The following DNAH2 variants were observed in gnomAD, a reference collection of about 807,000 sequenced individuals.
The protein encoded by DNAH2 is axonemal beta dynein heavy chain 2.
In DNAH2, 323 loss-of-function variants were observed where a neutral mutation model predicts 523.5. The observed-to-expected ratio is 0.62, with a 90% CI of 0.56 to 0.68. DNAH2 has a LOEUF of 0.68. Ranked by LOEUF, DNAH2 falls within the 30% of genes least tolerant of loss-of-function variation. The probability of loss-of-function intolerance (pLI) is 0.00; values close to 1 mark genes in which losing one functional copy is unlikely to be tolerated. For synonymous variants in DNAH2, 2,093 were observed against 2,177.4 expected, an observed-to-expected ratio of 0.96 and a Z score of 1.08; for missense variants, 4,907 against 5,701.5, an observed-to-expected ratio of 0.86 and a Z score of 4.49.
In DNAH2 at chr17:7,780,330, T is replaced by C. The variant is rs749421767; in HGVS notation, c.5850+46T>C. ...CTCCAGTGATTTTAATTTCCTTTCA[T>C]AATTATTCCCTGGACAGAGGAGCTC... On this transcript the variant is annotated intron_variant, in intron 37 of 85. Transcript: ENST00000572933. The surrounding 1 kb of genome is among the most constrained non-coding windows in gnomAD (Gnocchi z 4.4). 6.2e-6 allele frequency: 10 copies of C among 1,613,220 alleles called. No individual in the cohort carries two copies. The East Asian group carries it at 2.2e-4, about 36-fold the overall frequency.
rs2078140025 is a variant in DNAH2, at chr17:7,830,500, T to C, written c.12045+9T>C. The C allele has an allele frequency of 6.2e-7, 1 of 1,613,520 alleles. No homozygotes were observed. The highest frequency in any genetic ancestry group is 8.5e-7 in the Non-Finnish European group (1 of 1,179,524). On this transcript the variant is annotated intron_variant, in intron 78 of 85. Transcript: ENST00000572933. Reference sequence around the variant, plus strand: ...ATGACTCCGACTTTGAGGTTTGCATTAGCCAGGGGTCCTCATCCCAGCCCT... The same window carrying C: ...ATGACTCCGACTTTGAGGTTTGCATCAGCCAGGGGTCCTCATCCCAGCCCT...
Position 7,817,395 on chromosome 17 carries a change from A to G in DNAH2, c.10000A>G (p.Asn3334Asp). Residue 3334 changes from asparagine to aspartate, a missense_variant, in exon 65 of 86, where the codon AAC (asparagine) becomes GAC (aspartate). Transcript: ENST00000572933. ...FLTNYRDEIV[N>D]QIWIGKIWEL... ...GACCAACTACCGGGATGAGATTGTC[A>G]ACCAAATCTGGATCGGGAAGGTGAG... 6.2e-7 allele frequency: 1 copy of G among 1,613,948 alleles called. No individual in the cohort carries two copies. Among genetic ancestry groups the G allele is most frequent in the South Asian group, 1.1e-5 (1 of 91,046 alleles).
intron 73 of DNAH2, 95 bp from the exon 74 acceptor site, chr17:7,823,347 C>A (rs199559796): frequency 1.3e-6 from 1 of 788,610 alleles, no homozygotes. Flanking sequence ...GAGAAAAATA[C>A]AGAGAGAGAG....
At chr17:7,766,260 A>G (rs2076163577) in intron 21 of DNAH2, 58 bp from the exon 22 acceptor site, 5 of 1,579,008 alleles carry the variant, frequency 3.2e-6, no homozygotes, top group African/African-American at 1.3e-5. Flanking sequence ...TAGGAGAGCC[A>G]TGGCTGTCCT....
chr17:7,776,771 A>G lies in DNAH2; in HGVS notation c.4948-8A>G, dbSNP rs2076464132. 6.2e-7 allele frequency: 1 copy of G among 1,609,628 alleles called. No individual in the cohort carries two copies. Among genetic ancestry groups the G allele is most frequent in the South Asian group, 1.1e-5 (1 of 90,950 alleles). ...GGGCTTTGGGACGTGGCTTCTGCAC[A>G]TCCCCAGGTGGTGATCACTGCCAGT... On this transcript the variant is annotated splice_region_variant and splice_polypyrimidine_tract_variant and intron_variant, in intron 31 of 85. Transcript: ENST00000572933.
chr17:7,761,577 C>T (rs62059660), intron 18 of DNAH2, among the ~76,000 whole-genome samples: 34,912 of 151,472 alleles, frequency 0.23, 5,137 homozygotes, highest in Non-Finnish European at 0.33. Context: ...CTCTGCCTCC[C>T]GGGTTCAAGC....
At chr17:7,781,301 C>A (rs2076599774) in intron 39 of DNAH2, 134 bp downstream of exon 39, 2 of 1,010,030 alleles carry the variant, frequency 2.0e-6, no homozygotes, top group Non-Finnish European at 3.0e-6. Flanking sequence ...ATGGTGAAAC[C>A]CTGTATCTAC....
Position 7,749,306 on chromosome 17 carries a change from CCCAAAAAAAAAAAAAAAAA to C in DNAH2, c.1904+6165_1904+6183del, listed in dbSNP as rs1567636673. Among the ~76,000 whole-genome samples the C allele has an allele frequency of 6.9e-3, 24 of 3,490 alleles. 1 individual carries two copies. The highest frequency in any genetic ancestry group is 9.5e-3 in the Non-Finnish European group (21 of 2,214). The allele number at this position is 3,490 out of a possible 152,430, so 2.3% of individuals were successfully genotyped here. A position where few individuals can be genotyped will look rare whatever the true frequency, so the allele number is the denominator to read the frequency against. The stretch of plus-strand genomic sequence containing the variant: ...CTGGGCAACAAGAGCTAAACTCCCC[CCCAAAAAAAAAAAAAAAAA>C]AAAAAAAAAAAAAAAAAAAAAAAGA... On this transcript the variant is annotated intron_variant, in intron 12 of 85. Coordinates refer to ENST00000572933, the MANE Select transcript of DNAH2 (RefSeq NM_020877.5).
At chr17:7,730,897 C>T (rs570689279) in intron 4 of DNAH2, among the ~76,000 whole-genome samples, 1 of 152,100 alleles carries the variant, frequency 6.6e-6, no homozygotes, top group South Asian at 2.1e-4. Flanking sequence ...GGTGGATTGC[C>T]TGAGCTCAGG....
At chr17:7,814,408 T>A (rs924235151) in intron 63 of DNAH2, among the ~76,000 whole-genome samples, 1 of 152,188 alleles carries the variant, frequency 6.6e-6, no homozygotes, top group Non-Finnish European at 1.5e-5. Flanking sequence ...TAGCAAAATG[T>A]TAACTGTGAA....
intron 77 of DNAH2, among the ~76,000 whole-genome samples, chr17:7,829,050 G>C (rs1445244833): frequency 6.7e-6 from 1 of 149,756 alleles, no homozygotes; most frequent in Admixed American, 6.6e-5. Context: ...TTTTGAGACA[G>C]AGTCTTGCTC....
chr17:7,807,703 T>G lies in DNAH2; in HGVS notation c.9729+117T>G. 1.1e-6 allele frequency: 1 copy of G among 890,524 alleles called. No homozygotes were observed. The highest frequency in any genetic ancestry group is 1.7e-6 in the Non-Finnish European group (1 of 571,656). 55.2% of individuals were successfully genotyped at this position (890,524 alleles called of 1,614,324 possible). A position where few individuals can be genotyped will look rare whatever the true frequency, so the allele number is the denominator to read the frequency against. On this transcript the variant is annotated intron_variant, in intron 63 of 85. Coordinates refer to ENST00000572933, the MANE Select transcript of DNAH2 (RefSeq NM_020877.5). This position sits in a 1 kb window ranked among gnomAD's most constrained non-coding sequence, Gnocchi z 5.6. ...GCCCCCTTCCCCATGTCCTGTGCCA[T>G]TCCAGTCCTGTCTCCTTCCCACTCT...
chr17:7,737,068 A>G lies in DNAH2; in HGVS notation c.980A>G (p.Asp327Gly), dbSNP rs1376952004. The G allele has an allele frequency of 6.2e-7, 1 of 1,612,874 alleles. No individual in the cohort carries two copies. The highest frequency in any genetic ancestry group is 1.7e-5 in the Admixed American group (1 of 59,958). Residue 327 changes from aspartate to glycine, a missense_variant and splice_region_variant, in exon 8 of 86, where the codon GAT becomes GGT. By Grantham distance (94) the Asp-to-Gly change is moderately conservative. This residue lies in a region of DNAH2 where 2,806 missense variants were observed against 3,190.8 expected (regional missense o/e 0.88). Coordinates refer to ENST00000572933, the MANE Select transcript of DNAH2 (RefSeq NM_020877.5). ...TTTCTCATCTCTCTTTACTGCCAGGATGGCTCTCGTCAAGCACAGTCAAAC... is the reference window on the plus strand; with the variant it reads ...TTTCTCATCTCTCTTTACTGCCAGGGTGGCTCTCGTCAAGCACAGTCAAAC... ...PFMKLAQQIQ[D>G]GSRQAQSNLT...
chr17:7,770,830 AG>A lies in DNAH2; in HGVS notation c.4261del (p.Ala1421ProfsTer22), dbSNP rs2076295071. ...LSTMKASRFVKAFEKDVDHWE... is the reference protein window; with the variant it reads ...LSTMKASRFVXAFEKDVDHWE... ...ACCATGAAGGCATCACGCTTTGTCAAGGCCTTTGAGAAGGATGTGGACCACT... is the reference window on the plus strand; with the variant it reads ...ACCATGAAGGCATCACGCTTTGTCAAGCCTTTGAGAAGGATGTGGACCACT... On this transcript the variant is annotated frameshift_variant, in exon 27 of 86. Transcript: ENST00000572933. LOFTEE classifies it high-confidence loss of function. 4 of 1,614,070 alleles carry A rather than the reference AG, an allele frequency of 2.5e-6. No individual in the cohort carries two copies. The African/African-American group carries it at 5.3e-5, about 22-fold the overall frequency.
intron 12 of DNAH2, among the ~76,000 whole-genome samples, chr17:7,744,865 G>A (rs1451079298): frequency 1.3e-5 from 2 of 152,186 alleles, no homozygotes; most frequent in African/African-American, 4.8e-5. Context: ...TGTCAGGGGA[G>A]CCGCACAGAT....
chr17:7,779,503 TC>T, intron 36 of DNAH2, 80 bp downstream of exon 36: 1 of 1,422,024 alleles, frequency 7.0e-7, no homozygotes, highest in South Asian at 1.3e-5. Flanking sequence ...ATCCTCCTCT[TC>T]CCCCTTCCAT....
At chr17:7,804,927 C>CA (rs778953497) in intron 59 of DNAH2, 31 bp from the exon 60 acceptor site, 2 of 1,593,432 alleles carry the variant, frequency 1.3e-6, no homozygotes, top group East Asian at 2.2e-5. Context: ...AAGGCAAAGA[C>CA]AAAAAACCCT....
rs766121743 is a variant in DNAH2, at chr17:7,792,236, T to C, written c.7054-16T>C. 3.7e-6 allele frequency: 6 copies of C among 1,612,766 alleles called. No homozygotes were observed. In the East Asian group the frequency reaches 1.3e-4, roughly 36 times the overall value. The stretch of plus-strand genomic sequence containing the variant: ...CAAGGAAGGCTTTGGTAACCTGACC[T>C]ACATGCCCTCCTTAGGACACGGTAT... On this transcript the variant is annotated splice_polypyrimidine_tract_variant and intron_variant, in intron 45 of 85. Coordinates refer to ENST00000572933, the MANE Select transcript of DNAH2 (RefSeq NM_020877.5).
At chr17:7,772,752 TTTTGTTTGTTTG>T (rs150502949) in intron 28 of DNAH2, among the ~76,000 whole-genome samples, 35 of 150,944 alleles carry the variant, frequency 2.3e-4, no homozygotes, top group Non-Finnish European at 4.0e-4. Context: ...CACATTGGTT[TTTTGTTTGTTTG>T]TTTGTTTGTT....
Sources: allele counts gnomAD v4.1 joint callset (sites outside exome capture counted in the v4.1 genomes callset), GRCh38; gene constraint gnomAD v4.1.1; regional missense constraint gnomAD v4.1.1; non-coding constraint Gnocchi (gnomAD v3.1); transcripts MANE v1.5; gene names NCBI Gene and HGNC (gene_info 2026-07-23, HGNC 2026-07-21).